The following POC1A variants were observed in gnomAD, a reference collection of about 807,000 sequenced individuals.
The protein encoded by POC1A is POC1 centriolar protein homolog A.
In POC1A, 34 loss-of-function variants were observed where a neutral mutation model predicts 47.8. That is an observed-to-expected ratio of 0.71 (90% CI 0.54 to 0.95). The LOEUF is 0.95. POC1A is among the 40% of genes least tolerant of loss of function. The probability of loss-of-function intolerance (pLI) is 0.00; values close to 1 mark genes in which losing one functional copy is unlikely to be tolerated. For synonymous variants in POC1A, 177 were observed against 207.6 expected (o/e 0.85, Z 1.27); for missense variants, 466 against 528.3 (o/e 0.88, Z 1.16).
intron 6 of POC1A, among the ~76,000 whole-genome samples, chr3:52,141,557 G>A (rs1331907016): frequency 1.3e-5 from 2 of 152,226 alleles, no homozygotes. Context: ...TGTAAATGCC[G>A]TGTAAATGCT....
intron 9 of POC1A, among the ~76,000 whole-genome samples, chr3:52,100,047 A>G (rs1037923783): frequency 6.6e-6 from 1 of 152,164 alleles, no homozygotes; most frequent in Non-Finnish European, 1.5e-5. Flanking sequence ...GTCTCCTCTC[A>G]TGCCACCCTG....
chr3:52,142,028 C>T (rs753299173), intron 6 of POC1A, among the ~76,000 whole-genome samples: 21 of 152,278 alleles, frequency 1.4e-4, no homozygotes, highest in East Asian at 3.9e-4. Context: ...TGCAAGGAAC[C>T]GAGCGTGAGC....
In POC1A at chr3:52,111,915, C is replaced by T. The variant is rs377249158; in HGVS notation, c.981+10464G>A. Among the ~76,000 whole-genome samples the T allele has an allele frequency of 1.8e-4, 27 of 152,244 alleles. 1 individual carries two copies. In the South Asian group the frequency reaches 5.2e-3, roughly 29 times the overall value. On this transcript the variant is annotated intron_variant, in intron 9 of 10. Transcript: ENST00000296484. ...CAGGAGACAGGTGGCCTGGAGAACACAGATTCAAGAATAGGTGACTGGACT... is the reference window on the plus strand; with the variant it reads ...CAGGAGACAGGTGGCCTGGAGAACATAGATTCAAGAATAGGTGACTGGACT...
In POC1A at chr3:52,131,017, G is replaced by T. The variant is rs187195871; in HGVS notation, c.814-5836C>A. On this transcript the variant is annotated intron_variant, in intron 7 of 10. Transcript: ENST00000296484. ...GGGCAGGGGCTGCTCACCCACACGG[G>T]GTCGGGGGGAGGGTGGCGGGGGCGC... Among the ~76,000 whole-genome samples, 1,082 of 152,078 alleles carry T rather than the reference G, an allele frequency of 7.1e-3. 17 individuals carry two copies. Among genetic ancestry groups the T allele is most frequent in the African/African-American group, 0.025 (1,022 of 41,466 alleles).
At chr3:52,093,441 T>A (rs1171486288) in intron 10 of POC1A, among the ~76,000 whole-genome samples, 1 of 152,122 alleles carries the variant, frequency 6.6e-6, no homozygotes, top group Non-Finnish European at 1.5e-5. Context: ...CTATTTCTGG[T>A]GCTGTCATGC....
chr3:52,076,199 TATA>T (rs1702111719), intron 10 of POC1A, among the ~76,000 whole-genome samples: 1 of 152,200 alleles, frequency 6.6e-6, no homozygotes. Context: ...ATGGCTGATC[TATA>T]ATGTTTGTGG....
intron 9 of POC1A, among the ~76,000 whole-genome samples, chr3:52,111,586 C>T (rs1360003732): frequency 7.0e-6 from 1 of 142,066 alleles, no homozygotes; most frequent in Non-Finnish European, 1.5e-5. Context: ...GAATAGGTTA[C>T]AGTAAGCCGA....
chr3:52,096,714 TA>T lies in POC1A; in HGVS notation c.982-3del. On this transcript the variant is annotated splice_region_variant and splice_polypyrimidine_tract_variant and intron_variant, in intron 9 of 10. Transcript: ENST00000296484. ...GGGGACAGGGAAGTCCACTTCTGGCTAAAGACAGAAAGAAAAAAGTTCCTCA... is the reference window on the plus strand; with the variant it reads ...GGGGACAGGGAAGTCCACTTCTGGCTAAGACAGAAAGAAAAAAGTTCCTCA... 1 of 1,575,714 alleles carries T rather than the reference TA, an allele frequency of 6.3e-7. No individual in the cohort carries two copies. Among genetic ancestry groups the T allele is most frequent in the East Asian group, 2.3e-5 (1 of 43,490 alleles).
chr3:52,124,659 G>A (rs1162831000), intron 8 of POC1A, among the ~76,000 whole-genome samples: 3 of 152,144 alleles, frequency 2.0e-5, no homozygotes, highest in South Asian at 4.1e-4. Context: ...TCTACCGCAC[G>A]GGGAGATCAG....
chr3:52,127,614 C>T (rs1236563644), intron 7 of POC1A, among the ~76,000 whole-genome samples: 7 of 151,474 alleles, frequency 4.6e-5, no homozygotes, highest in African/African-American at 1.7e-4. Flanking sequence ...AGGATGGTCT[C>T]GATCTCCTGA....
At chr3:52,112,709 T>G (rs563618042) in intron 9 of POC1A, among the ~76,000 whole-genome samples, 22 of 152,254 alleles carry the variant, frequency 1.4e-4, no homozygotes, top group African/African-American at 5.1e-4. Context: ...CCTTTTCCTC[T>G]TCTGCAAAGC....
chr3:52,089,629 G>A (rs1412894517), intron 10 of POC1A, among the ~76,000 whole-genome samples: 11 of 152,278 alleles, frequency 7.2e-5, no homozygotes, highest in South Asian at 4.1e-4. Context: ...CCCTGTCTGC[G>A]AGTGGAAGCA....
chr3:52,136,772 TTTC>T (rs1704485562), intron 7 of POC1A, among the ~76,000 whole-genome samples: 1 of 152,216 alleles, frequency 6.6e-6, no homozygotes, highest in Admixed American at 6.5e-5. Flanking sequence ...TGTCAATAGC[TTTC>T]GTTTATGTGC....
At chr3:52,154,235 G>A in intron 1 of POC1A, 120 bp downstream of exon 1, 8 of 1,104,628 alleles carry the variant, frequency 7.2e-6, no homozygotes, top group Non-Finnish European at 1.0e-5. Context: ...TGGACCTGAA[G>A]AGGACCACCC....
chr3:52,106,395 C>T (rs1703186947), intron 9 of POC1A, among the ~76,000 whole-genome samples: 1 of 152,126 alleles, frequency 6.6e-6, no homozygotes, highest in Non-Finnish European at 1.5e-5. Flanking sequence ...TGATGGCATG[C>T]GCCTGTAGTC....
At chr3:52,149,089 A>G (rs1698465999) in intron 4 of POC1A, 121 bp downstream of exon 4, 1 of 730,344 alleles carries the variant, frequency 1.4e-6, no homozygotes. Flanking sequence ...ACCGAGGCTG[A>G]GGAAGCTTAA....
At chr3:52,130,098 T>C (rs1258431278) in intron 7 of POC1A, among the ~76,000 whole-genome samples, 1 of 152,226 alleles carries the variant, frequency 6.6e-6, no homozygotes, top group East Asian at 1.9e-4. Context: ...TCTGACTGCA[T>C]GCCCACAACA....
chr3:52,135,624 G>A (rs1704427032), intron 7 of POC1A, among the ~76,000 whole-genome samples: 1 of 152,208 alleles, frequency 6.6e-6, no homozygotes, highest in Non-Finnish European at 1.5e-5. Flanking sequence ...GCAAACGCTG[G>A]CAGACCTGGG....
chr3:52,127,856 C>T (rs914134265), intron 7 of POC1A, among the ~76,000 whole-genome samples: 5 of 152,044 alleles, frequency 3.3e-5, no homozygotes, highest in East Asian at 1.9e-4. Context: ...CCACCACACC[C>T]GGCTAATTTT....
Sources: allele counts gnomAD v4.1 joint callset (sites outside exome capture counted in the v4.1 genomes callset), GRCh38; gene constraint gnomAD v4.1.1; transcripts MANE v1.5; gene names NCBI Gene and HGNC (gene_info 2026-07-23, HGNC 2026-07-21).